Variants in TMEM150B observed in about 807,000 individuals in gnomAD.
The protein encoded by TMEM150B is transmembrane protein 150B, also known as modulator of macroautophagy TMEM150B.
Under a neutral mutation model 25.2 loss-of-function variants are expected in TMEM150B, and 33 were observed. The ratio of observed to expected loss-of-function variants is 1.31; its 90% CI spans 0.99 to 1.75. TMEM150B has a LOEUF of 1.75. Among genes scored for constraint, TMEM150B ranks in the 40% most tolerant of loss-of-function variants. The probability of loss-of-function intolerance (pLI) is 0.00; values close to 1 mark genes in which losing one functional copy is unlikely to be tolerated. For missense variants in TMEM150B, 322 were observed against 306.1 expected (o/e 1.05, Z -0.39); for synonymous variants, 133 against 134.8 (o/e 0.99, Z 0.09).
At chr19:55,311,235 T>A (rs1406239184), downstream of TMEM150B, among the ~76,000 whole-genome samples, 1 of 152,146 alleles carries the variant, frequency 6.6e-6, no homozygotes, top group African/African-American at 2.4e-5. Flanking sequence ...ATGCTGGGAT[T>A]ACAGGCATGA....
intron 1 of TMEM150B, 70 bp from the exon 2 acceptor site, chr19:55,322,813 C>G: frequency 1.2e-6 from 1 of 802,800 alleles, no homozygotes; most frequent in Non-Finnish European, 1.5e-6. Context: ...CCTAACGGCT[C>G]TCTGTCCCCA....
At chr19:55,320,343 C>T in intron 5 of TMEM150B, 48 bp downstream of exon 5, 1 of 1,505,760 alleles carries the variant, frequency 6.6e-7, no homozygotes, top group Non-Finnish European at 8.9e-7. Flanking sequence ...TCGGAACTCG[C>T]TTGGCTGGGC....
At chr19:55,319,776 G>A (rs1600226812) in intron 6 of TMEM150B, 2 of 1,302,296 alleles carry the variant, frequency 1.5e-6, no homozygotes, top group East Asian at 6.9e-5. Context: ...AAATAAGCTG[G>A]GGAGAGGGGC....
At chr19:55,322,092 C>T (rs11668309) in intron 2 of TMEM150B, among the ~76,000 whole-genome samples, 46,494 of 152,064 alleles carry the variant, frequency 0.31, 7,693 homozygotes, top group South Asian at 0.46. Flanking sequence ...AGCTTCTGAC[C>T]TCCTCCTGGC....
intron 6 of TMEM150B, chr19:55,319,430 C>CTTTTTTTTTTTTTTTT (rs1453085176): frequency 9.0e-5 from 8 of 89,068 alleles, no homozygotes; most frequent in South Asian, 1.1e-3. Flanking sequence ...TCATCTTCTT[C>CTTTTTTTTTTTTTTTT]TTCTTTTTTT....
chr19:55,319,216 A>C (rs10419726), intron 6 of TMEM150B, among the ~76,000 whole-genome samples: 2,351 of 151,982 alleles, frequency 0.015, 56 homozygotes, highest in African/African-American at 0.053. Flanking sequence ...GGTTCAAGCA[A>C]TTCTCCTGCC....
intron 7 of TMEM150B, among the ~76,000 whole-genome samples, chr19:55,316,406 G>C (rs1317938271): frequency 6.6e-6 from 1 of 152,070 alleles, no homozygotes; most frequent in Non-Finnish European, 1.5e-5. Flanking sequence ...ACTGTTCTTA[G>C]TATATCATTC....
At chr19:55,320,512 C>A in intron 4 of TMEM150B, 46 bp downstream of exon 4, 1 of 1,612,194 alleles carries the variant, frequency 6.2e-7, no homozygotes. Context: ...CCTCCACTTT[C>A]CTGCAGCGGC....
intron 6 of TMEM150B, among the ~76,000 whole-genome samples, chr19:55,318,535 T>A (rs552239896): frequency 2.0e-5 from 3 of 151,710 alleles, no homozygotes; most frequent in Non-Finnish European, 4.4e-5. Context: ...ATTTGGTAGG[T>A]TGAGGCAGGA....
chr19:55,324,301 G>A (rs1365177018), intron 1 of TMEM150B, among the ~76,000 whole-genome samples: 12 of 151,506 alleles, frequency 7.9e-5, no homozygotes, highest in Admixed American at 5.3e-4. Context: ...TCAGGAGATC[G>A]AGACCAGCCT....
rs143792972 is a variant in TMEM150B, at chr19:55,322,809, G to C, written c.-153-66C>G. On this transcript the variant is annotated intron_variant, in intron 1 of 7. Coordinates refer to ENST00000326652, the MANE Select transcript of TMEM150B (RefSeq NM_001282011.2). ...TTTGGTCTGACTGCCACTTCCTAACGGCTCTCTGTCCCCAAACCACCGTGT... is the reference window on the plus strand; with the variant it reads ...TTTGGTCTGACTGCCACTTCCTAACCGCTCTCTGTCCCCAAACCACCGTGT... The C allele has an allele frequency of 1.2e-3, 984 of 832,758 alleles. 9 individuals are homozygous for C. In the African/African-American group the frequency reaches 0.017, roughly 15 times the overall value. 51.6% of individuals were successfully genotyped at this position (832,758 alleles called of 1,614,324 possible). A position where few individuals can be genotyped will look rare whatever the true frequency, so the allele number is the denominator to read the frequency against.
chr19:55,310,859 T>G (rs1319188030), downstream of TMEM150B, among the ~76,000 whole-genome samples: 5 of 152,106 alleles, frequency 3.3e-5, no homozygotes, highest in Non-Finnish European at 5.9e-5. The surrounding 1 kb of genome is among the most constrained non-coding windows in gnomAD (Gnocchi z 5.0). Flanking sequence ...GATGTAGGAC[T>G]AACAGGCACC....
chr19:55,312,205 G>A (rs1009361731), downstream of TMEM150B: 31 of 479,350 alleles, frequency 6.5e-5, no homozygotes, highest in Non-Finnish European at 3.7e-5. Context: ...TGCAGGGATG[G>A]GGCTCCACAG....
intron 1 of TMEM150B, among the ~76,000 whole-genome samples, chr19:55,325,051 CATA>C (rs1300218209): frequency 6.6e-6 from 1 of 152,196 alleles, no homozygotes; most frequent in Non-Finnish European, 1.5e-5. Context: ...CTTCCAAAAA[CATA>C]ATAATAATAA....
At chr19:55,311,795 T>G, downstream of TMEM150B, 17 of 1,101,462 alleles carry the variant, frequency 1.5e-5, no homozygotes, top group Non-Finnish European at 2.2e-5. Context: ...GGATTGGAGC[T>G]AGAGCCTCGG....
At chr19:55,316,761 C>A (rs1168097632) in intron 7 of TMEM150B, 25 bp downstream of exon 7, 3 of 1,469,762 alleles carry the variant, frequency 2.0e-6, no homozygotes, top group African/African-American at 1.5e-5. Context: ...ACCTCCAAGC[C>A]CTACCCCGGA....
chr19:55,320,979 C>G lies in TMEM150B; in HGVS notation c.58G>C (p.Val20Leu). ...VFLAVWAISG[V>L]WIVFAIAVTN... The stretch of plus-strand genomic sequence containing the variant: ...GCCTCTGACACTCACACGATCCAGA[C>G]GCCAGAGATAGCCCAGACAGCTAGG... The change falls in exon 3 of 8, where the codon GTC becomes CTC. Residue 20 changes from valine (V) to leucine (L), a missense_variant. Physicochemically the swap from Val to Leu is conservative, Grantham distance 32. Coordinates refer to ENST00000326652, the MANE Select transcript of TMEM150B (RefSeq NM_001282011.2). 2 of 1,613,886 alleles carry G rather than the reference C, an allele frequency of 1.2e-6. No individual in the cohort carries two copies. Among genetic ancestry groups the G allele is most frequent in the Non-Finnish European group, 1.7e-6 (2 of 1,179,874 alleles).
At chr19:55,321,199 G>C in intron 2 of TMEM150B, 106 bp from the exon 3 acceptor site, 2 of 1,396,390 alleles carry the variant, frequency 1.4e-6, no homozygotes, top group Non-Finnish European at 1.9e-6. Context: ...GGTCTGATCT[G>C]ATTGGCCAGC....
chr19:55,316,196 A>T (rs1355181513), intron 7 of TMEM150B, among the ~76,000 whole-genome samples: 1 of 152,132 alleles, frequency 6.6e-6, no homozygotes. Flanking sequence ...ATTTCAAGCT[A>T]CTCACATGAT....
Sources: allele counts gnomAD v4.1 joint callset (sites outside exome capture counted in the v4.1 genomes callset), GRCh38; gene constraint gnomAD v4.1.1; non-coding constraint Gnocchi (gnomAD v3.1); transcripts MANE v1.5; gene names NCBI Gene and HGNC (gene_info 2026-07-23, HGNC 2026-07-21).